The following NCKAP1 variants were observed in gnomAD, a reference collection of about 807,000 sequenced individuals.
NCKAP1 encodes nck-associated protein 1.
In NCKAP1, 21 loss-of-function variants were observed where a neutral mutation model predicts 151.2. The observed-to-expected ratio is 0.14, with a 90% CI of 0.10 to 0.20. NCKAP1 has a LOEUF of 0.20. Ranked by LOEUF, NCKAP1 falls within the 10% of genes least tolerant of loss-of-function variation. The pLI is 1.00. For missense variants in NCKAP1, 933 were observed against 1,352.1 expected, an observed-to-expected ratio of 0.69 and a Z score of 4.86; for synonymous variants, 484 against 451.8, an observed-to-expected ratio of 1.07 and a Z score of -0.90.
chr2:182,942,598 G>C (rs1697019371), intron 23 of NCKAP1, among the ~76,000 whole-genome samples: 1 of 151,928 alleles, frequency 6.6e-6, no homozygotes, highest in African/African-American at 2.4e-5. Flanking sequence ...TACAAGTAGA[G>C]GGAGAATGAC....
intron 14 of NCKAP1, 108 bp from the exon 15 acceptor site, chr2:182,977,059 C>T: frequency 1.6e-6 from 1 of 629,648 alleles, no homozygotes; most frequent in Non-Finnish European, 2.5e-6. Flanking sequence ...TCTGAGTATA[C>T]CTAAAACAAT....
intron 24 of NCKAP1, 114 bp from the exon 25 acceptor site, chr2:182,935,489 G>A (rs1696854683): frequency 1.7e-6 from 1 of 573,720 alleles, no homozygotes; most frequent in Non-Finnish European, 2.9e-6. Context: ...ATGATAAAAG[G>A]CACAATTAAC....
chr2:183,014,742 C>T (rs1163198506), intron 2 of NCKAP1, among the ~76,000 whole-genome samples: 2 of 152,110 alleles, frequency 1.3e-5, no homozygotes, highest in Non-Finnish European at 2.9e-5. Flanking sequence ...TAGTACTGAA[C>T]CTGCCATGAA....
chr2:182,935,235 C>T, intron 25 of NCKAP1, 58 bp downstream of exon 25: 2 of 1,206,836 alleles, frequency 1.7e-6, no homozygotes, highest in Admixed American at 2.5e-5. Flanking sequence ...CTTTAAATTT[C>T]TGAGAAATTA....
At chr2:182,997,332 G>A (rs1698289359) in intron 6 of NCKAP1, among the ~76,000 whole-genome samples, 2 of 152,146 alleles carry the variant, frequency 1.3e-5, no homozygotes, top group Non-Finnish European at 2.9e-5. Context: ...GTTCTTGTAA[G>A]TGCAAGGTTA....
chr2:182,937,001 G>A (rs144709836), intron 24 of NCKAP1, among the ~76,000 whole-genome samples: 4,022 of 150,594 alleles, frequency 0.027, 80 homozygotes, highest in Non-Finnish European at 0.04. Context: ...TGTAGTCCCA[G>A]CTACTCGGGA....
At chr2:182,971,393 CAAAAAAA>C (rs1190689259) in intron 15 of NCKAP1, among the ~76,000 whole-genome samples, 2 of 68,968 alleles carry the variant, frequency 2.9e-5, no homozygotes, top group African/African-American at 5.2e-5. Flanking sequence ...GACTCCGTCT[CAAAAAAA>C]AAAAAAAAAA....
chr2:182,993,209 A>G (rs1345947022), intron 8 of NCKAP1, among the ~76,000 whole-genome samples: 1 of 152,172 alleles, frequency 6.6e-6, no homozygotes, highest in African/African-American at 2.4e-5. Context: ...TGTAATACCT[A>G]ATACAATACC....
At chr2:183,010,005 T>C (rs1034512781) in intron 2 of NCKAP1, among the ~76,000 whole-genome samples, 13 of 152,238 alleles carry the variant, frequency 8.5e-5, no homozygotes, top group African/African-American at 3.1e-4. Context: ...ACTTTATAAT[T>C]AAGGTTATGT....
intron 19 of NCKAP1, 160 bp from the exon 20 acceptor site, chr2:182,956,753 T>A: frequency 1.5e-6 from 1 of 664,614 alleles, no homozygotes; most frequent in Non-Finnish European, 2.4e-6. Context: ...AGGTTATAAC[T>A]AACACATAAG....
chr2:182,945,208 C>T (rs189779897), intron 23 of NCKAP1, among the ~76,000 whole-genome samples: 20 of 151,586 alleles, frequency 1.3e-4, no homozygotes, highest in Admixed American at 3.3e-4. Context: ...GCACTCCAGC[C>T]TGGGTGACAA....
At chr2:183,034,368 T>C (rs950032368) in intron 1 of NCKAP1, among the ~76,000 whole-genome samples, 2 of 135,688 alleles carry the variant, frequency 1.5e-5, no homozygotes, top group Non-Finnish European at 3.2e-5. Context: ...AAAAAGTTTG[T>C]AATAGTTGTA....
At chr2:182,950,372 A>C (rs1697189419) in intron 23 of NCKAP1, among the ~76,000 whole-genome samples, 1 of 152,228 alleles carries the variant, frequency 6.6e-6, no homozygotes, top group African/African-American at 2.4e-5. Flanking sequence ...AGCTGGCTAA[A>C]GTAAAATTTC....
At chr2:182,957,387 ATG>A (rs1697348175) in intron 19 of NCKAP1, 68 bp downstream of exon 19, 7 of 1,478,572 alleles carry the variant, frequency 4.7e-6, no homozygotes, top group Non-Finnish European at 5.5e-6. Flanking sequence ...CTCAGTACTA[ATG>A]TCAATAGAAA....
intron 1 of NCKAP1, among the ~76,000 whole-genome samples, chr2:183,028,186 CA>C (rs927154847): frequency 7.0e-5 from 10 of 143,716 alleles, no homozygotes; most frequent in Middle Eastern, 3.6e-3. Flanking sequence ...ATAGCCCTAC[CA>C]AAAAAAAAAC....
At chr2:182,926,761 TC>T in intron 30 of NCKAP1, 54 bp downstream of exon 30, 1 of 1,211,764 alleles carries the variant, frequency 8.3e-7, no homozygotes, top group African/African-American at 1.5e-5. Flanking sequence ...AAGAAAAGAT[TC>T]TCAGGAACGA....
intron 2 of NCKAP1, among the ~76,000 whole-genome samples, chr2:183,018,576 G>A (rs1575068025): frequency 6.6e-6 from 1 of 152,158 alleles, no homozygotes; most frequent in East Asian, 1.9e-4. Flanking sequence ...GTTTTTAGGA[G>A]TTGAGACTCT....
At chr2:182,942,232 G>C (rs570414133) in intron 23 of NCKAP1, 69 bp from the exon 24 acceptor site, 1 of 1,178,370 alleles carries the variant, frequency 8.5e-7, no homozygotes, top group Non-Finnish European at 1.2e-6. Flanking sequence ...GAGCATGCTT[G>C]GAAATTACAA....
chr2:182,985,154 G>A (rs746499740), intron 10 of NCKAP1, among the ~76,000 whole-genome samples: 16 of 152,278 alleles, frequency 1.1e-4, no homozygotes, highest in Admixed American at 5.9e-4. Context: ...GCACAGATAC[G>A]ATGAGTAAAG....
Sources: allele counts gnomAD v4.1 joint callset (sites outside exome capture counted in the v4.1 genomes callset), GRCh38; gene constraint gnomAD v4.1.1; transcripts MANE v1.5; gene names NCBI Gene and HGNC (gene_info 2026-07-23, HGNC 2026-07-21).